Variants in FANCC observed in about 807,000 individuals in gnomAD.
The protein encoded by FANCC is FA complementation group C.
In FANCC, 55 loss-of-function variants were observed where a neutral mutation model predicts 71.3. That is an observed-to-expected ratio of 0.77 (90% CI 0.62 to 0.97). FANCC has a LOEUF of 0.97. FANCC is among the 50% of genes least tolerant of loss of function. FANCC has a pLI of 0.00. For missense variants in FANCC, 678 were observed against 670.9 expected, an observed-to-expected ratio of 1.01 and a Z score of -0.12; for synonymous variants, 275 against 244.9, an observed-to-expected ratio of 1.12 and a Z score of -1.15.
intron 1 of FANCC, among the ~76,000 whole-genome samples, chr9:95,267,422 A>C (rs1360145549): frequency 6.6e-6 from 1 of 152,076 alleles, no homozygotes; most frequent in Non-Finnish European, 1.5e-5. Flanking sequence ...CATGGAAGCC[A>C]GACAGAGACA....
At chr9:95,273,178 G>A (rs1046506998) in intron 1 of FANCC, among the ~76,000 whole-genome samples, 1 of 152,186 alleles carries the variant, frequency 6.6e-6, no homozygotes, top group African/African-American at 2.4e-5. Context: ...ACGAGGGAAG[G>A]GTGGTGAACG....
intron 6 of FANCC, among the ~76,000 whole-genome samples, chr9:95,170,771 C>T (rs1825625677): frequency 6.6e-6 from 1 of 151,540 alleles, no homozygotes; most frequent in Non-Finnish European, 1.5e-5. Context: ...TGAGCAATCC[C>T]AGGGTAAAAC....
intron 4 of FANCC, among the ~76,000 whole-genome samples, chr9:95,227,866 T>C (rs909634462): frequency 6.6e-6 from 1 of 152,150 alleles, no homozygotes; most frequent in South Asian, 2.1e-4. Context: ...ACACCTCAAA[T>C]CACTTTCAGG....
At chr9:95,311,793 G>A (rs1307405078) in intron 1 of FANCC, among the ~76,000 whole-genome samples, 1 of 151,768 alleles carries the variant, frequency 6.6e-6, no homozygotes, top group South Asian at 2.1e-4. Context: ...CAGAGTAACA[G>A]ATCTCAGATT....
intron 1 of FANCC, among the ~76,000 whole-genome samples, chr9:95,278,673 T>C (rs1041110584): frequency 4.6e-5 from 7 of 152,154 alleles, no homozygotes; most frequent in African/African-American, 1.7e-4. Context: ...TTAAGTGAAT[T>C]TCTGACTTAC....
chr9:95,317,590 G>C lies in FANCC; in HGVS notation c.-143C>G, dbSNP rs1189112218. The C allele has an allele frequency of 6.6e-6, 1 of 152,240 alleles. No homozygotes were observed. Among genetic ancestry groups the C allele is most frequent in the African/African-American group, 2.4e-5 (1 of 41,460 alleles). The allele number at this position is 152,240 out of a possible 1,614,324, so 9.4% of individuals were successfully genotyped here. On this transcript the variant is annotated 5_prime_UTR_variant, in exon 1 of 15. Transcript: ENST00000289081. ...GTGGCGGAAAGGAAGCCACCGCCCG[G>C]GATCTGTGGCTTGAAAATTTGGCTT...
intron 7 of FANCC, among the ~76,000 whole-genome samples, chr9:95,143,921 C>T (rs1829137704): frequency 6.6e-6 from 1 of 152,166 alleles, no homozygotes; most frequent in African/African-American, 2.4e-5. Flanking sequence ...TAAAGAGGGG[C>T]AAGCATCTGC....
intron 7 of FANCC, among the ~76,000 whole-genome samples, chr9:95,143,156 T>C (rs567675722): frequency 1.3e-5 from 2 of 152,316 alleles, no homozygotes; most frequent in South Asian, 4.2e-4. Flanking sequence ...CAATTTATTC[T>C]GAAAGATACA....
intron 1 of FANCC, among the ~76,000 whole-genome samples, chr9:95,315,782 A>G (rs1225753392): frequency 1.3e-5 from 2 of 152,246 alleles, no homozygotes; most frequent in African/African-American, 4.8e-5. Context: ...GGCTCTCTCC[A>G]TGGCCCAGAT....
intron 3 of FANCC, among the ~76,000 whole-genome samples, chr9:95,244,573 G>A (rs1830828032): frequency 6.7e-6 from 1 of 149,350 alleles, no homozygotes; most frequent in South Asian, 2.1e-4. Flanking sequence ...CAGCTACTCA[G>A]GAGGCTGAGG....
rs1254639941 is a variant in FANCC at position 95,117,313 on chromosome 9, A to T, written c.1072+2T>A. 6.2e-7 allele frequency: 1 copy of T among 1,613,874 alleles called. No individual in the cohort carries two copies. Among genetic ancestry groups the T allele is most frequent in the Non-Finnish European group, 8.5e-7 (1 of 1,179,870 alleles). ...ATGTGGGCAAAGTCAACCCTAACTC[A>T]CCTTGAGGGTCTTGCAGCAGCACCA... On this transcript the variant is annotated splice_donor_variant, in intron 11 of 14. Coordinates refer to ENST00000289081, the MANE Select transcript of FANCC (RefSeq NM_000136.3). LOFTEE classifies it high-confidence loss of function.
At chr9:95,123,533 AGAAG>A in intron 10 of FANCC, 1 of 514,352 alleles carries the variant, frequency 1.9e-6, no homozygotes, top group Non-Finnish European at 3.9e-6. Flanking sequence ...GATGAAAAAA[AGAAG>A]GAACAACGGT....
Position 95,171,065 on chromosome 9 carries a change from AGTTT to A in FANCC, c.521+10_521+13del, listed in dbSNP as rs1372625836. ...TTGAAACCTGAGAAGAAGGATGTTT[AGTTT>A]AACACCTACCGCCTTTGAGTGTTAA... On this transcript the variant is annotated intron_variant, in intron 6 of 14. Coordinates refer to ENST00000289081, the MANE Select transcript of FANCC (RefSeq NM_000136.3). 1.7e-5 allele frequency: 28 copies of A among 1,602,338 alleles called. No individual in the cohort carries two copies. In the East Asian group the frequency reaches 6.3e-4, roughly 36 times the overall value.
intron 4 of FANCC, among the ~76,000 whole-genome samples, chr9:95,201,095 CAAAAG>C (rs1185808788): frequency 2.6e-5 from 4 of 152,082 alleles, no homozygotes; most frequent in Non-Finnish European, 5.9e-5. Context: ...ATACAATTAA[CAAAAG>C]AGAACATTTT....
chr9:95,152,285 A>G (rs1306242135), intron 6 of FANCC, among the ~76,000 whole-genome samples: 1 of 152,256 alleles, frequency 6.6e-6, no homozygotes, highest in Non-Finnish European at 1.5e-5. Flanking sequence ...AGGGAGAGGA[A>G]CAATATAATG....
At chr9:95,151,939 A>C (rs1387461775) in intron 6 of FANCC, among the ~76,000 whole-genome samples, 1 of 151,788 alleles carries the variant, frequency 6.6e-6, no homozygotes, top group Non-Finnish European at 1.5e-5. Context: ...AAAAAAAAAA[A>C]ACAAAAAACA....
At position 95,272,580 on chromosome 9, in the gene FANCC, C is replaced by A. The variant is rs181511850; in HGVS notation, c.-78-23211G>T. Reference sequence around the variant, plus strand: ...GGCGTGGTGTCATATGTCTGTAATCCCAGCTACTCGGGAGGCTGTGGCGAG... The same window carrying A: ...GGCGTGGTGTCATATGTCTGTAATCACAGCTACTCGGGAGGCTGTGGCGAG... On this transcript the variant is annotated intron_variant, in intron 1 of 14. Transcript: ENST00000289081. Among the ~76,000 whole-genome samples, 48 of 152,064 alleles carry A rather than the reference C, an allele frequency of 3.2e-4. No individual in the cohort carries two copies. The East Asian group carries it at 8.7e-3, about 28-fold the overall frequency.
intron 4 of FANCC, among the ~76,000 whole-genome samples, chr9:95,226,314 T>TTAC (rs1829610645): frequency 6.6e-6 from 1 of 152,216 alleles, no homozygotes; most frequent in Non-Finnish European, 1.5e-5. Flanking sequence ...CAGATGCCTG[T>TTAC]TACTAGCCAC....
At chr9:95,273,929 T>C (rs996325788) in intron 1 of FANCC, among the ~76,000 whole-genome samples, 1 of 152,228 alleles carries the variant, frequency 6.6e-6, no homozygotes, top group Non-Finnish European at 1.5e-5. Context: ...GATACAGCTC[T>C]TTTAGTTAAG....
Sources: allele counts gnomAD v4.1 joint callset (sites outside exome capture counted in the v4.1 genomes callset), GRCh38; gene constraint gnomAD v4.1.1; transcripts MANE v1.5; gene names NCBI Gene and HGNC (gene_info 2026-07-23, HGNC 2026-07-21).